The following GRIK4 variants were observed in gnomAD, a reference collection of about 807,000 sequenced individuals.
GRIK4 encodes glutamate receptor ionotropic, kainate 4.
GRIK4 carries 40 observed loss-of-function variants against 104.9 expected under a neutral mutation model. The observed-to-expected ratio is 0.38, with a 90% CI of 0.30 to 0.50. The LOEUF is 0.50. Among genes scored for constraint, GRIK4 ranks in the 20% least tolerant of loss-of-function variants. The pLI is 0.93. For missense variants in GRIK4, 1,047 were observed against 1,308.1 expected (o/e 0.80, Z 3.08); for synonymous variants, 485 against 524.9 (o/e 0.92, Z 1.04).
chr11:120,945,709 A>T (rs1234479575), intron 14 of GRIK4, among the ~76,000 whole-genome samples: 1 of 152,240 alleles, frequency 6.6e-6, no homozygotes, highest in East Asian at 1.9e-4. Flanking sequence ...CAGAAGTGGG[A>T]TGCAGATGTT....
At chr11:120,562,975 T>G (rs1565550723) in intron 1 of GRIK4, among the ~76,000 whole-genome samples, 1 of 152,136 alleles carries the variant, frequency 6.6e-6, no homozygotes, top group Non-Finnish European at 1.5e-5. Flanking sequence ...TGCGGAAGCA[T>G]GACGTCCAGT....
chr11:120,891,531 C>T (rs1955294934), intron 11 of GRIK4, among the ~76,000 whole-genome samples: 5 of 152,194 alleles, frequency 3.3e-5, no homozygotes, highest in South Asian at 4.1e-4. Flanking sequence ...ATAACTCCCT[C>T]TTAAAGATAG....
intron 3 of GRIK4, among the ~76,000 whole-genome samples, chr11:120,718,029 C>G (rs1485980097): frequency 1.3e-5 from 2 of 152,128 alleles, no homozygotes; most frequent in Non-Finnish European, 2.9e-5. Flanking sequence ...CATGGTTTTC[C>G]CCTTAAGTGT....
chr11:120,675,821 G>A (rs1330975867), intron 3 of GRIK4, among the ~76,000 whole-genome samples: 1 of 152,182 alleles, frequency 6.6e-6, no homozygotes, highest in Non-Finnish European at 1.5e-5. Context: ...ACAGTAGGAA[G>A]CCCATAAATA....
At chr11:120,556,663 A>G (rs1948189351) in intron 1 of GRIK4, among the ~76,000 whole-genome samples, 3 of 152,124 alleles carry the variant, frequency 2.0e-5, no homozygotes, top group Admixed American at 2.0e-4. Flanking sequence ...TGTCTTGGGA[A>G]TGGGCTTAAC....
chr11:120,901,778 C>T (rs1368344586), intron 12 of GRIK4, among the ~76,000 whole-genome samples: 1 of 152,158 alleles, frequency 6.6e-6, no homozygotes, highest in Non-Finnish European at 1.5e-5. Flanking sequence ...TGGCACAGAT[C>T]CACAGCTACG....
rs546742937 is a variant in GRIK4, at chr11:120,702,977, C to A, written c.82+42577C>A. 2.0e-5 allele frequency among the ~76,000 whole-genome samples: 3 copies of A among 152,116 alleles called. No individual in the cohort carries two copies. The South Asian group carries it at 6.2e-4, about 32-fold the overall frequency. On this transcript the variant is annotated intron_variant, in intron 3 of 20. Coordinates refer to ENST00000527524, the MANE Select transcript of GRIK4 (RefSeq NM_014619.5). ...TAGGGGAGTATTTGTAGTGCTTTGC[C>A]CAATTTAAGATGAAGAAAATGAGGT...
intron 1 of GRIK4, among the ~76,000 whole-genome samples, chr11:120,643,170 A>T (rs1173436072): frequency 6.6e-6 from 1 of 152,248 alleles, no homozygotes; most frequent in African/African-American, 2.4e-5. Flanking sequence ...GGGGAAACTC[A>T]TATAAATAAG....
Position 120,962,784 on chromosome 11 carries a change from A to G in GRIK4, c.2266+103A>G, listed in dbSNP as rs951492442. 3.1e-5 allele frequency: 23 copies of G among 734,094 alleles called. No homozygotes were observed. In the Middle Eastern group the frequency reaches 7.9e-4, roughly 25 times the overall value. The allele number at this position is 734,094 out of a possible 1,614,324, so 45.5% of individuals were successfully genotyped here. On this transcript the variant is annotated intron_variant, in intron 18 of 20. Transcript: ENST00000527524. Reference sequence around the variant, plus strand: ...ATTGAATCCAGTACCCCCTGTTGTTAGAACCAGTTTAACAGTGACTTTACG... The same window carrying G: ...ATTGAATCCAGTACCCCCTGTTGTTGGAACCAGTTTAACAGTGACTTTACG...
chr11:120,813,718 C>CA, intron 4 of GRIK4, among the ~76,000 whole-genome samples: 1 of 152,276 alleles, frequency 6.6e-6, no homozygotes, highest in East Asian at 1.9e-4. Flanking sequence ...AAAGAGCGTC[C>CA]ATGTGGCAGG....
chr11:120,745,902 A>T (rs1255694717), intron 3 of GRIK4, among the ~76,000 whole-genome samples: 5 of 152,158 alleles, frequency 3.3e-5, no homozygotes, highest in Non-Finnish European at 5.9e-5. Flanking sequence ...TCAGCTAGTG[A>T]TAATAGCAGC....
In GRIK4 at chr11:120,602,765, C is replaced by T. The variant is rs557633720; in HGVS notation, c.-158-50920C>T. On this transcript the variant is annotated intron_variant, in intron 1 of 20. Coordinates refer to ENST00000527524, the MANE Select transcript of GRIK4 (RefSeq NM_014619.5). Reference sequence around the variant, plus strand: ...TCGTCCAGGCTGGAGTGCAGTGGTGCAGTCATAGCTCACTGCAGCCTTGGA... The same window carrying T: ...TCGTCCAGGCTGGAGTGCAGTGGTGTAGTCATAGCTCACTGCAGCCTTGGA... 3.3e-5 allele frequency among the ~76,000 whole-genome samples: 5 copies of T among 152,274 alleles called. No individual in the cohort carries two copies. The South Asian group carries it at 1.0e-3, about 32-fold the overall frequency.
chr11:120,787,847 C>CTTCTTTTTTTTTT (rs1565352273), intron 3 of GRIK4, among the ~76,000 whole-genome samples: 1 of 55,578 alleles, frequency 1.8e-5, no homozygotes, highest in African/African-American at 6.9e-5. Flanking sequence ...TTTTTCTTTT[C>CTTCTTTTTTTTTT]TTTTCTTTTT....
At chr11:120,690,028 A>G (rs1032147607) in intron 3 of GRIK4, among the ~76,000 whole-genome samples, 9 of 152,150 alleles carry the variant, frequency 5.9e-5, no homozygotes, top group Admixed American at 1.3e-4. Context: ...TCCTTAGTCA[A>G]TTTCAGGCAA....
intron 3 of GRIK4, among the ~76,000 whole-genome samples, chr11:120,705,254 G>A (rs892980281): frequency 6.9e-6 from 1 of 144,118 alleles, no homozygotes; most frequent in African/African-American, 2.5e-5. Flanking sequence ...TTTTTGAGAT[G>A]GAGTTTCACT....
chr11:120,722,095 C>T (rs1429910151), intron 3 of GRIK4, among the ~76,000 whole-genome samples: 1 of 152,156 alleles, frequency 6.6e-6, no homozygotes, highest in Non-Finnish European at 1.5e-5. Context: ...CAGGCAAGCT[C>T]CCAGGCTGGT....
intron 8 of GRIK4, among the ~76,000 whole-genome samples, chr11:120,855,163 G>A (rs961890697): frequency 3.9e-5 from 6 of 152,152 alleles, no homozygotes; most frequent in Non-Finnish European, 7.3e-5. Flanking sequence ...TACTAGGGGC[G>A]GCTGAGGCTG....
chr11:120,671,673 A>G (rs1950019337), intron 3 of GRIK4, among the ~76,000 whole-genome samples: 1 of 152,142 alleles, frequency 6.6e-6, no homozygotes, highest in Non-Finnish European at 1.5e-5. Flanking sequence ...CCCATTCTGC[A>G]GGTTGCCTGT....
intron 9 of GRIK4, among the ~76,000 whole-genome samples, chr11:120,863,668 G>A (rs181219459): frequency 2.0e-5 from 3 of 152,372 alleles, no homozygotes; most frequent in Admixed American, 2.0e-4. Flanking sequence ...TTTTAAAATA[G>A]GAGCGATGCC....
Sources: gnomAD v4.1 joint callset for allele counts (sites outside exome capture counted in the v4.1 genomes callset) on GRCh38, gnomAD v4.1.1 for gene constraint, MANE v1.5 for transcripts, NCBI Gene and HGNC (gene_info 2026-07-23, HGNC 2026-07-21) for gene names.